GOLGA4: variants seen among roughly 807,000 people sequenced by gnomAD.
GOLGA4 encodes the protein golgin A4.
Under a neutral mutation model 265.9 loss-of-function variants are expected in GOLGA4, and 169 were observed. The ratio of observed to expected loss-of-function variants is 0.64; its 90% CI spans 0.56 to 0.72. The LOEUF (loss-of-function observed/expected upper bound fraction) is 0.72, where lower values mean the gene tolerates loss of function less well. Among genes scored for constraint, GOLGA4 ranks in the 30% least tolerant of loss-of-function variants. The probability of loss-of-function intolerance (pLI) is 0.00; values close to 1 mark genes in which losing one functional copy is unlikely to be tolerated. For synonymous variants in GOLGA4, 923 were observed against 855.8 expected (o/e 1.08, Z -1.37); for missense variants, 2,482 against 2,483.4 (o/e 1.00, Z 0.01).
At chr3:37,332,130 C>A (rs549795547) in intron 16 of GOLGA4, among the ~76,000 whole-genome samples, 3 of 152,182 alleles carry the variant, frequency 2.0e-5, no homozygotes, top group African/African-American at 7.2e-5. Flanking sequence ...TTTATTACTT[C>A]TCCTCCTAAA....
intron 23 of GOLGA4, 31 bp downstream of exon 23, chr3:37,361,336 G>T: frequency 6.5e-7 from 1 of 1,539,080 alleles, no homozygotes; most frequent in East Asian, 2.3e-5. Flanking sequence ...TGTGTCTTTT[G>T]TGCAAAAATC....
chr3:37,277,102 A>T (rs2096821499), intron 2 of GOLGA4, among the ~76,000 whole-genome samples: 1 of 152,112 alleles, frequency 6.6e-6, no homozygotes, highest in East Asian at 1.9e-4. Context: ...AAATGTACAT[A>T]ATTTTGAGGT....
At chr3:37,352,594 G>A (rs868550963) in intron 21 of GOLGA4, among the ~76,000 whole-genome samples, 3 of 151,904 alleles carry the variant, frequency 2.0e-5, no homozygotes, top group Admixed American at 6.6e-5. Flanking sequence ...CTCATGAACC[G>A]GTCTTTTAGC....
chr3:37,275,245 A>C (rs1377628071), intron 2 of GOLGA4, among the ~76,000 whole-genome samples: 1 of 151,274 alleles, frequency 6.6e-6, no homozygotes, highest in Non-Finnish European at 1.5e-5. Flanking sequence ...AAAAAAAGAA[A>C]AAAAAAACCC....
rs866850640 is a variant in GOLGA4, at chr3:37,257,998, T to C, written c.162+6514T>C. Reference sequence around the variant, plus strand: ...ACATATATATATGTATGTATATATGTATATATACATACATATATATATGTA... The same window carrying C: ...ACATATATATATGTATGTATATATGCATATATACATACATATATATATGTA... On this transcript the variant is annotated intron_variant, in intron 2 of 23. Transcript: ENST00000361924. Among the ~76,000 whole-genome samples the C allele has an allele frequency of 2.8e-3, 227 of 80,200 alleles. 16 individuals carry two copies. Among genetic ancestry groups the C allele is most frequent in the African/African-American group, 0.013 (190 of 14,580 alleles). 52.6% of individuals were successfully genotyped at this position (80,200 alleles called of 152,430 possible).
rs1009960627 is a variant in GOLGA4, at chr3:37,342,105, G to A, written c.6472+1906G>A. On this transcript the variant is annotated intron_variant, in intron 20 of 23. Transcript: ENST00000361924. ...TGCCTGTAATCCCAGCACTTTGGGA[G>A]GCCAAAGTGGGTGGATCACTTGAGG... is the stretch of plus-strand genomic sequence containing the variant. Among the ~76,000 whole-genome samples, 18 of 152,194 alleles carry A rather than the reference G, an allele frequency of 1.2e-4. No individual in the cohort carries two copies. In the East Asian group the frequency reaches 2.7e-3, roughly 23 times the overall value.
At position 37,325,734 on chromosome 3, in the gene GOLGA4, A is replaced by G. The variant is rs147602622; in HGVS notation, c.3848A>G (p.Glu1283Gly). 20 of 1,613,782 alleles carry G rather than the reference A, an allele frequency of 1.2e-5. No homozygotes were observed. In the African/African-American group the frequency reaches 2.0e-4, roughly 16 times the overall value. ...GAAGCACAACTTAGACAGTTGACAG[A>G]GGAGCAAAATACACTAAATATTTCT... Reference protein sequence around the residue: ...ELEAQLRQLTEEQNTLNISFQ... With the variant: ...ELEAQLRQLTGEQNTLNISFQ... The change falls in exon 14 of 24, where the codon GAG becomes GGG. Residue 1283 changes from glutamate to glycine, a missense_variant. By Grantham distance (98) the Glu-to-Gly change is moderately conservative (BLOSUM62 -2). This residue lies in a region of GOLGA4 where 1,536 missense variants were observed against 1,483.7 expected (regional missense o/e 1.04). Coordinates refer to ENST00000361924, the MANE Select transcript of GOLGA4 (RefSeq NM_002078.5).
chr3:37,351,422 G>A (rs1487352044), intron 21 of GOLGA4, among the ~76,000 whole-genome samples: 1 of 152,082 alleles, frequency 6.6e-6, no homozygotes. Context: ...CCAAACCCCT[G>A]TTAATGTTGA....
chr3:37,332,566 A>C (rs571791643), intron 16 of GOLGA4, among the ~76,000 whole-genome samples: 48 of 152,246 alleles, frequency 3.2e-4, no homozygotes, highest in South Asian at 8.3e-4. Flanking sequence ...TATTTAGAAA[A>C]ATTTTGAATC....
chr3:37,279,960 G>T (rs2096830327), intron 2 of GOLGA4, among the ~76,000 whole-genome samples: 1 of 151,254 alleles, frequency 6.6e-6, no homozygotes. Flanking sequence ...CTCCTTCCTA[G>T]TGGATCCATT....
chr3:37,267,693 A>G (rs2096787347), intron 2 of GOLGA4, among the ~76,000 whole-genome samples: 1 of 152,220 alleles, frequency 6.6e-6, no homozygotes, highest in Non-Finnish European at 1.5e-5. Flanking sequence ...CCACAAATCT[A>G]TTTATTAATT....
intron 3 of GOLGA4, 123 bp downstream of exon 3, chr3:37,282,395 C>G: frequency 2.8e-6 from 2 of 702,898 alleles, no homozygotes; most frequent in Non-Finnish European, 4.8e-6. Flanking sequence ...ATCCTGGTTA[C>G]TAATGGTATG....
chr3:37,319,031 G>A, intron 11 of GOLGA4, 32 bp from the exon 12 acceptor site: 3 of 1,475,398 alleles, frequency 2.0e-6, no homozygotes, highest in Non-Finnish European at 2.8e-6. Context: ...TATTCTGGGT[G>A]TCCTTATATT....
At position 37,327,306 on chromosome 3, in the gene GOLGA4, A is replaced by AT; in HGVS notation, c.5420_5421insT (p.Lys1807AsnfsTer16). ...GAGGAGCTTGAAGAAAAAAACAAGA[A>AT]ATATTCCTTGATAGTAGCCCAGCAT... On this transcript the variant is annotated frameshift_variant, in exon 14 of 24. Transcript: ENST00000361924. LOFTEE classifies it high-confidence loss of function. 6.2e-7 allele frequency: 1 copy of AT among 1,613,846 alleles called. No individual in the cohort carries two copies. The highest frequency in any genetic ancestry group is 8.5e-7 in the Non-Finnish European group (1 of 1,179,828).
intron 18 of GOLGA4, 150 bp from the exon 19 acceptor site, chr3:37,337,516 A>G: frequency 3.2e-6 from 2 of 625,454 alleles, no homozygotes; most frequent in South Asian, 4.1e-5. Flanking sequence ...TTATTCTTTG[A>G]ATTTGTCTGA....
chr3:37,363,362 C>A (rs1210954684), intron 23 of GOLGA4, among the ~76,000 whole-genome samples: 1 of 152,138 alleles, frequency 6.6e-6, no homozygotes, highest in Non-Finnish European at 1.5e-5. Context: ...AGCTGAATAT[C>A]AATTATCACT....
Position 37,326,959 on chromosome 3 carries a change from G to C in GOLGA4, c.5073G>C (p.Leu1691Phe), listed in dbSNP as rs2096973179. ...AAAGAGAAAGGGAAGTTCACATCTT[G>C]GAAGAAAAACTTAAGTCAGTGGAAA... ...LQEREREVHI[L>F]EEKLKSVESS... Residue 1691 changes from leucine (L) to phenylalanine (F), a missense_variant, in exon 14 of 24, where the codon TTG (leucine) becomes TTC (phenylalanine). This residue lies in a region of GOLGA4 where 942 missense variants were observed against 983.1 expected (regional missense o/e 0.96). Coordinates refer to ENST00000361924, the MANE Select transcript of GOLGA4 (RefSeq NM_002078.5). The C allele has an allele frequency of 6.2e-7, 1 of 1,613,686 alleles. No individual in the cohort carries two copies. The highest frequency in any genetic ancestry group is 1.1e-5 in the South Asian group (1 of 91,052).
At chr3:37,308,628 T>TA (rs199736929) in intron 10 of GOLGA4, among the ~76,000 whole-genome samples, 41,227 of 150,042 alleles carry the variant, frequency 0.27, 7,096 homozygotes, top group Non-Finnish European at 0.39. Flanking sequence ...ATATATATAT[T>TA]TTTTTGAGAC....
chr3:37,294,487 T>C (rs886864784), intron 5 of GOLGA4, among the ~76,000 whole-genome samples: 27 of 150,946 alleles, frequency 1.8e-4, no homozygotes, highest in African/African-American at 5.6e-4. Flanking sequence ...CGGGTTCAAG[T>C]GATTCCCCTG....
Sources: gnomAD v4.1 joint callset for allele counts (sites outside exome capture counted in the v4.1 genomes callset) on GRCh38, gnomAD v4.1.1 for gene constraint, gnomAD v4.1.1 regional missense constraint, MANE v1.5 for transcripts, NCBI Gene and HGNC (gene_info 2026-07-23, HGNC 2026-07-21) for gene names.